Variants in TMEM132D observed in about 807,000 individuals in gnomAD.
TMEM132D encodes mature OL transmembrane protein.
Under a neutral mutation model 62.3 loss-of-function variants are expected in TMEM132D, and 21 were observed. That is an observed-to-expected ratio of 0.34 (90% CI 0.24 to 0.49). The LOEUF is 0.49. TMEM132D is among the 20% of genes least tolerant of loss of function. TMEM132D has a pLI of 0.99. For missense variants in TMEM132D, 1,346 were observed against 1,402.8 expected (o/e 0.96, Z 0.65); for synonymous variants, 621 against 575.6 (o/e 1.08, Z -1.13).
intron 2 of TMEM132D, among the ~76,000 whole-genome samples, chr12:129,670,964 A>G (rs1880487842): frequency 6.6e-6 from 1 of 152,154 alleles, no homozygotes; most frequent in Non-Finnish European, 1.5e-5. Flanking sequence ...TTTCTTTCCC[A>G]TTTCCAAAAG....
intron 4 of TMEM132D, among the ~76,000 whole-genome samples, chr12:129,263,644 G>A (rs1451463540): frequency 1.3e-5 from 2 of 151,988 alleles, no homozygotes; most frequent in Non-Finnish European, 2.9e-5. Flanking sequence ...GAGGGAGGGA[G>A]GAAGGGAGAA....
chr12:129,881,038 C>CA (rs1874576434), intron 1 of TMEM132D, among the ~76,000 whole-genome samples: 1 of 151,902 alleles, frequency 6.6e-6, no homozygotes, highest in Non-Finnish European at 1.5e-5. Context: ...GAAAATACAC[C>CA]AAGTGACCTG....
intron 3 of TMEM132D, among the ~76,000 whole-genome samples, chr12:129,409,163 C>T (rs544685357): frequency 2.6e-5 from 4 of 152,260 alleles, no homozygotes; most frequent in African/African-American, 9.6e-5. Context: ...GAACTCCTGA[C>T]CTCAGGTGAT....
intron 4 of TMEM132D, among the ~76,000 whole-genome samples, chr12:129,295,427 CTTTTT>C (rs556748373): frequency 1.6e-5 from 2 of 123,014 alleles, no homozygotes; most frequent in Non-Finnish European, 1.7e-5. Context: ...TCATATTAGC[CTTTTT>C]TTTTTTTTTT....
At chr12:129,564,741 C>A (rs762700747) in intron 2 of TMEM132D, among the ~76,000 whole-genome samples, 2 of 152,156 alleles carry the variant, frequency 1.3e-5, no homozygotes, top group African/African-American at 2.4e-5. Flanking sequence ...TCTGCAAAGT[C>A]AAAACTATTT....
At chr12:129,494,211 C>A (rs1483833266) in intron 3 of TMEM132D, among the ~76,000 whole-genome samples, 2 of 152,140 alleles carry the variant, frequency 1.3e-5, no homozygotes, top group Admixed American at 6.5e-5. Flanking sequence ...TGTTAGAGAG[C>A]CGCGCTTCTC....
intron 3 of TMEM132D, among the ~76,000 whole-genome samples, chr12:129,381,627 T>C (rs776528052): frequency 6.6e-6 from 1 of 152,208 alleles, no homozygotes; most frequent in African/African-American, 2.4e-5. Context: ...AGGATTAGAT[T>C]CCACGCAGTC....
At chr12:129,543,419 T>C (rs1019339536) in intron 2 of TMEM132D, among the ~76,000 whole-genome samples, 10 of 152,124 alleles carry the variant, frequency 6.6e-5, no homozygotes, top group Non-Finnish European at 1.5e-4. Flanking sequence ...GACAGATAGA[T>C]AGATATTCCT....
chr12:129,106,712 C>T (rs191457725), intron 5 of TMEM132D, among the ~76,000 whole-genome samples: 70 of 152,198 alleles, frequency 4.6e-4, no homozygotes, highest in Non-Finnish European at 7.4e-4. Context: ...GTGGTATGGT[C>T]GTGTGGCGTG....
intron 2 of TMEM132D, among the ~76,000 whole-genome samples, chr12:129,647,894 G>A (rs1195094505): frequency 2.6e-5 from 4 of 152,068 alleles, no homozygotes; most frequent in South Asian, 2.1e-4. Flanking sequence ...TGCCCTAACC[G>A]ATTTGCCTTT....
intron 5 of TMEM132D, among the ~76,000 whole-genome samples, chr12:129,142,423 T>G (rs1876771612): frequency 6.6e-6 from 1 of 152,222 alleles, no homozygotes; most frequent in Admixed American, 6.5e-5. Flanking sequence ...ACCCTTGTCA[T>G]CTATGGGCTG....
chr12:129,656,584 T>C (rs1354085774), intron 2 of TMEM132D, among the ~76,000 whole-genome samples: 4 of 152,114 alleles, frequency 2.6e-5, no homozygotes, highest in Admixed American at 2.6e-4. Flanking sequence ...CCAGATGTAA[T>C]ACAGTAGAGG....
intron 3 of TMEM132D, among the ~76,000 whole-genome samples, chr12:129,476,988 T>C (rs897968529): frequency 1.1e-4 from 17 of 152,214 alleles, no homozygotes; most frequent in African/African-American, 4.1e-4. Flanking sequence ...GATAAACAAC[T>C]TCCTCGTTCT....
At chr12:129,213,642 G>A (rs148573398) in intron 4 of TMEM132D, among the ~76,000 whole-genome samples, 1 of 152,216 alleles carries the variant, frequency 6.6e-6, no homozygotes. Flanking sequence ...GGCGAAGGGA[G>A]CAGGCATGTG....
At chr12:129,720,645 A>C (rs1868789712) in intron 1 of TMEM132D, among the ~76,000 whole-genome samples, 1 of 152,122 alleles carries the variant, frequency 6.6e-6, no homozygotes. Context: ...GGGGCTGCAG[A>C]TGTACCTCCT....
intron 2 of TMEM132D, among the ~76,000 whole-genome samples, chr12:129,565,865 T>C (rs1039961127): frequency 6.6e-6 from 1 of 152,232 alleles, no homozygotes; most frequent in Non-Finnish European, 1.5e-5. Context: ...AGTGATAGTG[T>C]TAGTCACGGA....
intron 2 of TMEM132D, among the ~76,000 whole-genome samples, chr12:129,690,885 G>A (rs137861383): frequency 0.014 from 2,142 of 152,114 alleles, 23 homozygotes; most frequent in Middle Eastern, 0.031. Flanking sequence ...AAAAGAAGCA[G>A]AATACACTTT....
chr12:129,884,649 C>G (rs543191817), intron 1 of TMEM132D, among the ~76,000 whole-genome samples: 1 of 152,214 alleles, frequency 6.6e-6, no homozygotes, highest in Non-Finnish European at 1.5e-5. Context: ...ACAGCTGGAA[C>G]CTTACACATT....
intron 3 of TMEM132D, among the ~76,000 whole-genome samples, chr12:129,526,953 C>A (rs1209442919): frequency 6.6e-6 from 1 of 152,142 alleles, no homozygotes; most frequent in East Asian, 1.9e-4. Context: ...CCTTAAGCTT[C>A]TTTTATGTGA....
Sources: allele counts gnomAD v4.1 joint callset (sites outside exome capture counted in the v4.1 genomes callset), GRCh38; gene constraint gnomAD v4.1.1; transcripts MANE v1.5; gene names NCBI Gene and HGNC (gene_info 2026-07-23, HGNC 2026-07-21).